Variants in TAFA2 observed in about 807,000 individuals in gnomAD.
TAFA2 encodes the protein chemokine-like protein TAFA-2.
In TAFA2, 7 loss-of-function variants were observed where a neutral mutation model predicts 18.8. That is an observed-to-expected ratio of 0.37 (90% CI 0.21 to 0.70). The LOEUF (loss-of-function observed/expected upper bound fraction) is 0.70. Among genes scored for constraint, TAFA2 ranks in the 30% least tolerant of loss-of-function variants. TAFA2 has a pLI of 0.53. For synonymous variants in TAFA2, 60 were observed against 54.2 expected (o/e 1.11, Z -0.47); for missense variants, 122 against 158.1 (o/e 0.77, Z 1.23).
intron 2 of TAFA2, among the ~76,000 whole-genome samples, chr12:61,764,464 G>C (rs1869701824): frequency 2.0e-5 from 3 of 152,008 alleles, no homozygotes; most frequent in South Asian, 4.1e-4. Flanking sequence ...ATGGGAGAAA[G>C]AGTGTTGAAA....
intron 1 of TAFA2, among the ~76,000 whole-genome samples, chr12:62,063,918 C>T (rs1882420544): frequency 6.6e-6 from 1 of 151,164 alleles, no homozygotes; most frequent in African/African-American, 2.4e-5. Context: ...TTGGATAATC[C>T]TAATATTTAA....
chr12:62,203,795 C>T (rs977576995), intron 1 of TAFA2, among the ~76,000 whole-genome samples: 5 of 152,132 alleles, frequency 3.3e-5, no homozygotes, highest in African/African-American at 1.2e-4. Context: ...CCCAGCTTGC[C>T]ATTCTGTGTT....
At chr12:62,068,018 A>T (rs1176965346) in intron 1 of TAFA2, among the ~76,000 whole-genome samples, 1 of 151,050 alleles carries the variant, frequency 6.6e-6, no homozygotes, top group Non-Finnish European at 1.5e-5. Flanking sequence ...TTAGTGTCAG[A>T]TCTTCATGTC....
At chr12:61,900,191 C>A (rs1382178529) in intron 1 of TAFA2, among the ~76,000 whole-genome samples, 1 of 152,130 alleles carries the variant, frequency 6.6e-6, no homozygotes, top group African/African-American at 2.4e-5. Flanking sequence ...TCTTGGTTCA[C>A]ATGTGTAAGA....
chr12:62,103,865 G>A (rs752026144), intron 1 of TAFA2, among the ~76,000 whole-genome samples: 1 of 152,154 alleles, frequency 6.6e-6, no homozygotes, highest in African/African-American at 2.4e-5. Flanking sequence ...AATTATTCAG[G>A]CATTGCTCAG....
intron 1 of TAFA2, among the ~76,000 whole-genome samples, chr12:62,179,873 T>C (rs1190364126): frequency 6.6e-6 from 1 of 152,186 alleles, no homozygotes; most frequent in Admixed American, 6.5e-5. Context: ...ACCTTCTCAA[T>C]CCCTGACTGC....
At chr12:61,715,782 G>A (rs1477273718) in intron 4 of TAFA2, among the ~76,000 whole-genome samples, 1 of 151,752 alleles carries the variant, frequency 6.6e-6, no homozygotes, top group Non-Finnish European at 1.5e-5. Context: ...AGCCAGTCGT[G>A]ATGGTGCACA....
chr12:61,717,147 CAG>C (rs1424144526), intron 4 of TAFA2, among the ~76,000 whole-genome samples: 1 of 152,152 alleles, frequency 6.6e-6, no homozygotes, highest in Admixed American at 6.5e-5. Flanking sequence ...CATTACTCTG[CAG>C]TAGCAGGTTT....
chr12:61,999,899 A>T (rs1880323542), intron 1 of TAFA2, among the ~76,000 whole-genome samples: 1 of 152,206 alleles, frequency 6.6e-6, no homozygotes, highest in Non-Finnish European at 1.5e-5. Context: ...TGTGGGAAAG[A>T]GGTAGCATCT....
chr12:62,065,405 A>C (rs1882457862), intron 1 of TAFA2, among the ~76,000 whole-genome samples: 1 of 151,998 alleles, frequency 6.6e-6, no homozygotes, highest in East Asian at 1.9e-4. Context: ...GTGAATAAAC[A>C]ATGACGGATT....
At chr12:61,859,643 C>T (rs1399592249) in intron 2 of TAFA2, among the ~76,000 whole-genome samples, 2 of 152,080 alleles carry the variant, frequency 1.3e-5, no homozygotes, top group African/African-American at 2.4e-5. Flanking sequence ...AGGGTTTCGC[C>T]GTATTGGCCA....
intron 1 of TAFA2, among the ~76,000 whole-genome samples, chr12:62,181,179 C>G (rs183917035): frequency 6.6e-6 from 1 of 152,114 alleles, no homozygotes; most frequent in South Asian, 2.1e-4. Flanking sequence ...CATACACACA[C>G]GCGTGTGCAC....
chr12:62,186,976 C>T (rs913374324), intron 1 of TAFA2, among the ~76,000 whole-genome samples: 4 of 152,064 alleles, frequency 2.6e-5, no homozygotes, highest in African/African-American at 7.2e-5. Context: ...ACATTAGAAA[C>T]AGGTGGATTT....
chr12:62,117,549 C>T (rs754740580), intron 1 of TAFA2, among the ~76,000 whole-genome samples: 3 of 152,280 alleles, frequency 2.0e-5, no homozygotes, highest in Admixed American at 2.0e-4. Context: ...AAATGCTCAA[C>T]ACTTCAAATG....
chr12:62,128,577 G>A (rs116140822), intron 1 of TAFA2, among the ~76,000 whole-genome samples: 2,636 of 151,964 alleles, frequency 0.017, 72 homozygotes, highest in African/African-American at 0.058. Flanking sequence ...CTCCTGTTCC[G>A]CTCACCATTC....
At chr12:61,953,698 G>A (rs1878547797) in intron 1 of TAFA2, among the ~76,000 whole-genome samples, 2 of 152,238 alleles carry the variant, frequency 1.3e-5, no homozygotes, top group South Asian at 2.1e-4. Flanking sequence ...AATTGGAGGA[G>A]TCTGCCTCAG....
chr12:62,123,159 T>A lies in TAFA2; in HGVS notation c.-2+68100A>T, dbSNP rs186634696. Among the ~76,000 whole-genome samples, 20 of 152,304 alleles carry A rather than the reference T, an allele frequency of 1.3e-4. No individual in the cohort carries two copies. In the East Asian group the frequency reaches 3.9e-3, roughly 29 times the overall value. On this transcript the variant is annotated intron_variant, in intron 1 of 4. Coordinates refer to ENST00000416284, the MANE Select transcript of TAFA2 (RefSeq NM_178539.5). ...ATATACTCAGCCACATTTAAGTTTA[T>A]CGAGGACAGAAAACAGCTTTTATTC...
chr12:61,930,812 C>T (rs571616962), intron 1 of TAFA2, among the ~76,000 whole-genome samples: 510 of 152,298 alleles, frequency 3.3e-3, no homozygotes, highest in Non-Finnish European at 5.6e-3. Context: ...CCATGAATAG[C>T]AATGTCTGTA....
At chr12:62,023,290 T>A (rs577982410) in intron 1 of TAFA2, among the ~76,000 whole-genome samples, 501 of 152,260 alleles carry the variant, frequency 3.3e-3, no homozygotes, top group Non-Finnish European at 5.1e-3. Context: ...GAGGTGGACC[T>A]CCCTCTGTGA....
Sources: allele counts gnomAD v4.1 joint callset (sites outside exome capture counted in the v4.1 genomes callset), GRCh38; gene constraint gnomAD v4.1.1; transcripts MANE v1.5; gene names NCBI Gene and HGNC (gene_info 2026-07-23, HGNC 2026-07-21).